ZWILCH: variants seen among roughly 807,000 people sequenced by gnomAD.
ZWILCH encodes protein zwilch homolog.
ZWILCH carries 74 observed loss-of-function variants against 79.9 expected under a neutral mutation model. That is an observed-to-expected ratio of 0.93 (90% CI 0.77 to 1.12). ZWILCH has a LOEUF of 1.12. ZWILCH is among the 50% of genes most tolerant of loss of function. The pLI is 0.00. For synonymous variants in ZWILCH, 241 were observed against 228.2 expected (o/e 1.06, Z -0.51); for missense variants, 694 against 687.5 (o/e 1.01, Z -0.11).
intron 5 of ZWILCH, among the ~76,000 whole-genome samples, chr15:66,519,387 C>T (rs1471195829): frequency 2.6e-5 from 4 of 152,146 alleles, no homozygotes; most frequent in South Asian, 2.1e-4. Context: ...TGTTTCCAAT[C>T]GTAGACATTT....
At position 66,528,952 on chromosome 15, in the gene ZWILCH, G is replaced by A. The variant is rs750469731; in HGVS notation, c.1070G>A (p.Ser357Asn). 1.9e-6 allele frequency: 3 copies of A among 1,611,544 alleles called. No individual in the cohort carries two copies. The East Asian group carries it at 6.7e-5, about 36-fold the overall frequency. The part of the protein sequence containing the change: ...DFAEQLWCKM[S>N]SSVISYQDLV... ...GCTGAGCAACTGTGGTGCAAAATGAGCAGTAGTAGGTGTCCATCATGATTT... is the reference window on the plus strand; with the variant it reads ...GCTGAGCAACTGTGGTGCAAAATGAACAGTAGTAGGTGTCCATCATGATTT... The change falls in exon 11 of 19, where the codon AGC becomes AAC. Residue 357 changes from serine (S) to asparagine (N), a missense_variant. Physicochemically the swap from Ser to Asn is conservative, Grantham distance 46. Transcript: ENST00000307897.
At position 66,540,219 on chromosome 15, in the gene ZWILCH, G is replaced by A. The variant is rs776782214; in HGVS notation, c.1687+9G>A. The A allele has an allele frequency of 1.9e-6, 3 of 1,590,408 alleles. No individual in the cohort carries two copies. In the African/African-American group the frequency reaches 4.0e-5, roughly 21 times the overall value. ...GAATTTTCACAAACCTGGTAAAGAT[G>A]GTTTATAATCTGTTCAGATAAATAA... On this transcript the variant is annotated intron_variant, in intron 17 of 18. Coordinates refer to ENST00000307897, the MANE Select transcript of ZWILCH (RefSeq NM_017975.5).
chr15:66,526,287 A>G (rs1894671081), intron 8 of ZWILCH, among the ~76,000 whole-genome samples: 3 of 151,974 alleles, frequency 2.0e-5, no homozygotes, highest in Admixed American at 2.0e-4. Context: ...TTTAGCTACT[A>G]TTTCTTCTAA....
chr15:66,540,593 T>C (rs894283216), intron 17 of ZWILCH, among the ~76,000 whole-genome samples: 1 of 150,248 alleles, frequency 6.7e-6, no homozygotes, highest in Non-Finnish European at 1.5e-5. Flanking sequence ...CTTACTGGAA[T>C]GGATTATTAT....
chr15:66,536,080 C>T lies in ZWILCH; in HGVS notation c.1478+11C>T. The T allele has an allele frequency of 1.3e-6, 2 of 1,585,270 alleles. No homozygotes were observed. Among genetic ancestry groups the T allele is most frequent in the Non-Finnish European group, 8.6e-7 (1 of 1,168,090 alleles). On this transcript the variant is annotated intron_variant, in intron 15 of 18. Coordinates refer to ENST00000307897, the MANE Select transcript of ZWILCH (RefSeq NM_017975.5). ...CTTTTCTTTAACACAGTAAGTACAT[C>T]TGTATTCTTCACTTATATAGAAATG...
intron 5 of ZWILCH, among the ~76,000 whole-genome samples, chr15:66,520,282 G>A (rs1183423324): frequency 6.7e-6 from 1 of 150,000 alleles, no homozygotes; most frequent in Non-Finnish European, 1.5e-5. Flanking sequence ...CACCACACCT[G>A]GCTGTTTTTT....
intron 17 of ZWILCH, among the ~76,000 whole-genome samples, chr15:66,545,085 G>C (rs1462834118): frequency 6.6e-6 from 1 of 151,952 alleles, no homozygotes; most frequent in Non-Finnish European, 1.5e-5. Context: ...AGTTGTGGTG[G>C]CTCACACCTG....
At chr15:66,516,108 A>G (rs1894244616) in intron 4 of ZWILCH, among the ~76,000 whole-genome samples, 1 of 152,226 alleles carries the variant, frequency 6.6e-6, no homozygotes, top group South Asian at 2.1e-4. Context: ...TTGGAAATAT[A>G]GGGGAGTATT....
chr15:66,531,732 AG>A (rs1483072395), intron 12 of ZWILCH, among the ~76,000 whole-genome samples: 1 of 151,864 alleles, frequency 6.6e-6, no homozygotes. Flanking sequence ...CTGGAATTAC[AG>A]GTGTAAACCA....
chr15:66,509,849 ATATATATATATATATATATATC>A (rs1300051500), intron 2 of ZWILCH, among the ~76,000 whole-genome samples: 27 of 82,242 alleles, frequency 3.3e-4, no homozygotes, highest in Admixed American at 1.8e-3. Flanking sequence ...ATATATATAT[ATATATATATATATATATATATC>A]TCTTAAAAAT....
intron 7 of ZWILCH, among the ~76,000 whole-genome samples, chr15:66,522,899 G>C (rs1288223891): frequency 6.6e-6 from 1 of 151,832 alleles, no homozygotes; most frequent in African/African-American, 2.4e-5. Flanking sequence ...CTCAGCTGAC[G>C]GCAACCTCTG....
At chr15:66,537,383 C>A (rs1895049122) in intron 16 of ZWILCH, 120 bp downstream of exon 16, 2 of 612,098 alleles carry the variant, frequency 3.3e-6, no homozygotes, top group Admixed American at 5.8e-5. Context: ...CATAATGAGA[C>A]CCTGTCTCTA....
At chr15:66,546,042 A>T (rs111594824) in intron 17 of ZWILCH, among the ~76,000 whole-genome samples, 1,966 of 152,296 alleles carry the variant, frequency 0.013, 35 homozygotes, top group African/African-American at 0.045. Flanking sequence ...AGAAAACGTG[A>T]CCAGTGGAGT....
chr15:66,533,100 C>A, intron 14 of ZWILCH, 87 bp downstream of exon 14: 1 of 894,258 alleles, frequency 1.1e-6, no homozygotes, highest in Non-Finnish European at 1.7e-6. Context: ...ATATGCTAGC[C>A]ACTGTCTTAG....
Position 66,546,625 on chromosome 15 carries a change from A to G in ZWILCH, c.1722A>G (p.Glu574=). The change falls in exon 18 of 19, where the codon GAA becomes GAG. Residue 574 remains glutamate (E), a synonymous_variant. Coordinates refer to ENST00000307897, the MANE Select transcript of ZWILCH (RefSeq NM_017975.5). ...AATTAACACTAAACGGTAGCCTGGA[A>G]GAAAGGATATTCTTTACTAACATGG... The part of the protein sequence containing the change: ...FSELTLNGSL[E]ERIFFTNMVT... 1 of 1,609,762 alleles carries G rather than the reference A, an allele frequency of 6.2e-7. No individual in the cohort carries two copies. The highest frequency in any genetic ancestry group is 8.5e-7 in the Non-Finnish European group (1 of 1,178,166).
Position 66,514,063 on chromosome 15 carries a change from G to A in ZWILCH, c.181G>A (p.Val61Ile). 1 of 1,609,920 alleles carries A rather than the reference G, an allele frequency of 6.2e-7. No individual in the cohort carries two copies. Among genetic ancestry groups the A allele is most frequent in the Non-Finnish European group, 8.5e-7 (1 of 1,178,036 alleles). ...AAATATTCTAAATGAAAATGACATAGTATTCATAGTGGAAAAAGTGGTAAG... is the reference window on the plus strand; with the variant it reads ...AAATATTCTAAATGAAAATGACATAATATTCATAGTGGAAAAAGTGGTAAG... The part of the protein sequence containing the change: ...LKNILNENDI[V>I]FIVEKVPLEK... The change falls in exon 3 of 19, where the codon GTA becomes ATA. Residue 61 changes from valine (V) to isoleucine (I), a missense_variant. Coordinates refer to ENST00000307897, the MANE Select transcript of ZWILCH (RefSeq NM_017975.5).
At chr15:66,533,548 ATTTG>A (rs1399975647) in intron 14 of ZWILCH, among the ~76,000 whole-genome samples, 7 of 152,172 alleles carry the variant, frequency 4.6e-5, no homozygotes, top group African/African-American at 7.2e-5. Context: ...TATAGTATCA[ATTTG>A]TTTATCATTT....
At position 66,515,604 on chromosome 15, in the gene ZWILCH, G is replaced by A. The variant is rs140891720; in HGVS notation, c.280G>A (p.Glu94Lys). ...TGCCATATCTGATTTCTCTACTGGC[G>A]AAAATGTTGGACCACTTGCTTTACC... ...ETAISDFSTG[E>K]NVGPLALPVG... is the part of the protein sequence containing the mutation. Residue 94 changes from glutamate (E) to lysine (K), a missense_variant, in exon 4 of 19, where the codon GAA becomes AAA. By Grantham distance (56) the Glu-to-Lys change is moderately conservative. Coordinates refer to ENST00000307897, the MANE Select transcript of ZWILCH (RefSeq NM_017975.5). 1.9e-3 allele frequency: 3,073 copies of A among 1,613,768 alleles called. 4 individuals are homozygous for A. Among genetic ancestry groups the A allele is most frequent in the Non-Finnish European group, 2.4e-3 (2,815 of 1,179,906 alleles).
At chr15:66,535,809 C>CTTT in intron 14 of ZWILCH, 124 bp from the exon 15 acceptor site, 8 of 616,842 alleles carry the variant, frequency 1.3e-5, no homozygotes, top group South Asian at 3.0e-5. Flanking sequence ...TTCTTCTGGT[C>CTTT]TTTTTTTTTT....
Sources: gnomAD v4.1 joint callset for allele counts (sites outside exome capture counted in the v4.1 genomes callset) on GRCh38, gnomAD v4.1.1 for gene constraint, MANE v1.5 for transcripts, NCBI Gene and HGNC (gene_info 2026-07-23, HGNC 2026-07-21) for gene names.